CD200R1: variants seen among roughly 807,000 people sequenced by gnomAD.
CD200R1 encodes the protein CD200 receptor 1.
CD200R1 carries 30 observed loss-of-function variants against 38.1 expected under a neutral mutation model. The observed-to-expected ratio is 0.79, with a 90% CI of 0.59 to 1.07. The LOEUF (loss-of-function observed/expected upper bound fraction) is 1.07, where lower values mean the gene tolerates loss of function less well. Among genes scored for constraint, CD200R1 ranks in the 50% least tolerant of loss-of-function variants. The pLI is 0.00. For synonymous variants in CD200R1, 128 were observed against 152.1 expected (o/e 0.84, Z 1.16); for missense variants, 372 against 415.4 (o/e 0.90, Z 0.91).
chr3:112,954,792 T>G (rs935148006), intron 1 of CD200R1, among the ~76,000 whole-genome samples: 7 of 152,196 alleles, frequency 4.6e-5, no homozygotes, highest in Non-Finnish European at 8.8e-5. Context: ...CTTTGTAATA[T>G]CTTTCATAAT....
At chr3:112,924,631 T>A in intron 6 of CD200R1, 96 bp from the exon 7 acceptor site, 1 of 698,988 alleles carries the variant, frequency 1.4e-6, no homozygotes, top group Non-Finnish European at 1.9e-6. Flanking sequence ...CAATTGTGTT[T>A]AATTTTGATA....
intron 1 of CD200R1, among the ~76,000 whole-genome samples, chr3:112,965,269 G>C (rs972575738): frequency 1.6e-4 from 25 of 152,334 alleles, no homozygotes; most frequent in African/African-American, 5.8e-4. Flanking sequence ...CTGAAAGAGA[G>C]TAAGTTTAAC....
chr3:112,966,341 T>C (rs576167816), intron 1 of CD200R1, among the ~76,000 whole-genome samples: 3 of 152,322 alleles, frequency 2.0e-5, no homozygotes, highest in South Asian at 2.1e-4. Context: ...TTAGGCTCTA[T>C]AGGGAGTTCT....
intron 1 of CD200R1, among the ~76,000 whole-genome samples, chr3:112,966,904 G>A (rs949719584): frequency 1.3e-5 from 2 of 151,960 alleles, no homozygotes; most frequent in Admixed American, 6.6e-5. Context: ...CAGCAATCTC[G>A]CTGCTCCCAC....
intron 1 of CD200R1, among the ~76,000 whole-genome samples, chr3:112,954,114 A>G (rs1046238082): frequency 4.6e-5 from 7 of 151,970 alleles, no homozygotes; most frequent in Middle Eastern, 3.2e-3. Flanking sequence ...CATAGGTCTT[A>G]GTATGTTGTA....
At chr3:112,960,271 C>T (rs1198715147) in intron 1 of CD200R1, among the ~76,000 whole-genome samples, 1 of 151,980 alleles carries the variant, frequency 6.6e-6, no homozygotes, top group Non-Finnish European at 1.5e-5. Context: ...GCCATTGTAA[C>T]AATATGAAAT....
chr3:112,925,274 T>C, intron 5 of CD200R1, 81 bp from the exon 6 acceptor site: 1 of 699,918 alleles, frequency 1.4e-6, no homozygotes, highest in Non-Finnish European at 2.4e-6. Flanking sequence ...TAAAAAGAAA[T>C]GAGCTATCAA....
chr3:112,961,403 G>C (rs1933016132), intron 1 of CD200R1, among the ~76,000 whole-genome samples: 1 of 151,544 alleles, frequency 6.6e-6, no homozygotes, highest in African/African-American at 2.4e-5. Context: ...TTAAATATAA[G>C]AAACAAAAAC....
chr3:112,934,274 T>C (rs956683901), intron 2 of CD200R1, among the ~76,000 whole-genome samples: 1 of 152,170 alleles, frequency 6.6e-6, no homozygotes, highest in African/African-American at 2.4e-5. Context: ...ATCCCCCTTA[T>C]ACTGATAGCA....
rs1940180112 is a variant in CD200R1 at position 112,922,042 on chromosome 3, T to G, written c.*1635A>C. 1 of 152,064 alleles carries G rather than the reference T, an allele frequency of 6.6e-6. No homozygotes were observed. The highest frequency in any genetic ancestry group is 1.5e-5 in the Non-Finnish European group (1 of 67,952). 9.4% of individuals were successfully genotyped at this position (152,064 alleles called of 1,614,324 possible). A position where few individuals can be genotyped will look rare whatever the true frequency, so the allele number is the denominator to read the frequency against. On this transcript the variant is annotated 3_prime_UTR_variant, in exon 8 of 8. Coordinates refer to ENST00000308611, the MANE Select transcript of CD200R1 (RefSeq NM_138806.4). ...TTATATGCAGAAACCTAATGGACAC[T>G]GCTTTTTGGTCAAGTCAAAATGGCT...
chr3:112,948,204 GTCTATC>G (rs1940905894), intron 1 of CD200R1, among the ~76,000 whole-genome samples: 1 of 152,082 alleles, frequency 6.6e-6, no homozygotes, highest in African/African-American at 2.4e-5. Flanking sequence ...CAGGCTTTTA[GTCTATC>G]TCTGAGTGTG....
rs550063106 is a variant in CD200R1 at position 112,929,214 on chromosome 3, G to C, written c.496C>G (p.Arg166Gly). ...CCTAACACTTGGAGGTGATATCCAC[G>C]ATGGAAATTCCCATCAGGTGTTACC... ...IMVTPDGNFH[R>G]GYHLQVLVTP... The change falls in exon 4 of 8, where the codon CGT becomes GGT. Residue 166 changes from arginine (R) to glycine (G), a missense_variant. Coordinates refer to ENST00000308611, the MANE Select transcript of CD200R1 (RefSeq NM_138806.4). The C allele has an allele frequency of 7.4e-6, 12 of 1,614,100 alleles. No homozygotes were observed. Among genetic ancestry groups the C allele is most frequent in the Non-Finnish European group, 1.0e-5 (12 of 1,180,004 alleles).
intron 1 of CD200R1, among the ~76,000 whole-genome samples, chr3:112,970,613 G>A (rs1487640855): frequency 6.6e-6 from 1 of 151,944 alleles, no homozygotes; most frequent in East Asian, 1.9e-4. Context: ...GACACAAATG[G>A]TTTTTCAGAC....
chr3:112,970,582 T>A (rs537831713), intron 1 of CD200R1, among the ~76,000 whole-genome samples: 4 of 152,194 alleles, frequency 2.6e-5, no homozygotes, highest in Non-Finnish European at 5.9e-5. Context: ...AAAAACATGT[T>A]GATGGCTACT....
intron 5 of CD200R1, among the ~76,000 whole-genome samples, chr3:112,928,388 T>C (rs1940330268): frequency 6.6e-6 from 1 of 152,170 alleles, no homozygotes; most frequent in East Asian, 1.9e-4. Flanking sequence ...GATGTTATTA[T>C]AAGACATTTA....
intron 2 of CD200R1, among the ~76,000 whole-genome samples, chr3:112,945,622 G>A (rs1267146035): frequency 2.0e-5 from 3 of 152,140 alleles, no homozygotes; most frequent in African/African-American, 7.2e-5. Context: ...TAACATAAGA[G>A]AAAGTCCAAA....
Position 112,925,172 on chromosome 3 carries a change from G to C in CD200R1, c.791C>G (p.Ala264Gly). The change falls in exon 6 of 8, where the codon GCA becomes GGA. Residue 264 changes from alanine to glycine, a missense_variant. By Grantham distance (60) the Ala-to-Gly change is moderately conservative (BLOSUM62 0). Transcript: ENST00000308611. ...GATGATATATGGAATATATAATTTT[G>C]CTGATTTTTTGGCACCTGGAACTAT... is the stretch of plus-strand genomic sequence containing the variant. ...LLPVPGAKKS[A>G]KLYIPYIILT... The C allele has an allele frequency of 6.3e-7, 1 of 1,598,778 alleles. No homozygotes were observed. The highest frequency in any genetic ancestry group is 1.1e-5 in the South Asian group (1 of 89,934).
At chr3:112,960,620 A>G (rs977399665) in intron 1 of CD200R1, among the ~76,000 whole-genome samples, 1 of 152,058 alleles carries the variant, frequency 6.6e-6, no homozygotes, top group Non-Finnish European at 1.5e-5. Flanking sequence ...GACAATATAA[A>G]TGTTATTGTT....
rs544386373 is a variant in CD200R1, at chr3:112,974,993, C to T, written c.-136G>A. On this transcript the variant is annotated 5_prime_UTR_variant, in exon 1 of 8. It adds an upstream start codon to the 5' untranslated region. Transcript: ENST00000308611. ...CTCTTACCCCATCAACAGTGGGGCACTCCCTTCCTTCTAGCCCCTTCCTTC... is the reference window on the plus strand; with the variant it reads ...CTCTTACCCCATCAACAGTGGGGCATTCCCTTCCTTCTAGCCCCTTCCTTC... 8.8e-6 allele frequency: 6 copies of T among 682,206 alleles called. No individual in the cohort carries two copies. The highest frequency in any genetic ancestry group is 1.6e-5 in the Non-Finnish European group (6 of 382,204). 42.3% of individuals were successfully genotyped at this position (682,206 alleles called of 1,614,324 possible).
Sources: gnomAD v4.1 joint callset for allele counts (sites outside exome capture counted in the v4.1 genomes callset) on GRCh38, gnomAD v4.1.1 for gene constraint, MANE v1.5 for transcripts, NCBI Gene and HGNC (gene_info 2026-07-23, HGNC 2026-07-21) for gene names.